The following QDPR variants were observed in gnomAD, a reference collection of about 807,000 sequenced individuals.
QDPR encodes quinoid dihydropteridine reductase, also known as dihydropteridine reductase.
In QDPR, 23 loss-of-function variants were observed where a neutral mutation model predicts 31.7. That is an observed-to-expected ratio of 0.73 (90% CI 0.52 to 1.03). The LOEUF (loss-of-function observed/expected upper bound fraction) is 1.03. Among genes scored for constraint, QDPR ranks in the 50% least tolerant of loss-of-function variants. QDPR has a pLI of 0.00. For synonymous variants in QDPR, 124 were observed against 124.7 expected (o/e 0.99, Z 0.03); for missense variants, 324 against 323.8 (o/e 1.00, Z 0.00).
intron 1 of QDPR, among the ~76,000 whole-genome samples, chr4:17,509,761 G>C (rs549124943): frequency 7.9e-5 from 12 of 152,180 alleles, no homozygotes; most frequent in African/African-American, 2.9e-4. Context: ...GAGCAGAGTG[G>C]AGACAGGTAA....
Position 17,501,809 on chromosome 4 carries a change from T to G in QDPR, c.346A>C (p.Thr116Pro). Residue 116 changes from threonine (T) to proline (P), a missense_variant, in exon 4 of 7, where the codon ACC becomes CCC. Physicochemically the swap from Thr to Pro is conservative, Grantham distance 38. Coordinates refer to ENST00000281243, the MANE Select transcript of QDPR (RefSeq NM_000320.3). ...LMWKQSIWTS[T>P]ISSHLATKHL... ...TTGGTAGCCAGATGGCTGGAGATGG[T>G]CGATGTCCATATGCTCTGCTTCCAC... The G allele has an allele frequency of 6.2e-7, 1 of 1,614,162 alleles. No homozygotes were observed. The highest frequency in any genetic ancestry group is 8.5e-7 in the Non-Finnish European group (1 of 1,180,024).
In QDPR at chr4:17,501,531, C is replaced by T. The variant is rs140253707; in HGVS notation, c.436+188G>A. On this transcript the variant is annotated intron_variant, in intron 4 of 6. Transcript: ENST00000281243. The stretch of plus-strand genomic sequence containing the variant: ...CTTACCACCACCATAAACATAAGGA[C>T]AGGCAAACAAAAGATCAGAACTCTT... Among the ~76,000 whole-genome samples, 10 of 152,034 alleles carry T rather than the reference C, an allele frequency of 6.6e-5. No individual in the cohort carries two copies. The East Asian group carries it at 1.9e-3, about 30-fold the overall frequency.
chr4:17,489,575 G>A (rs949020107), intron 6 of QDPR, among the ~76,000 whole-genome samples: 1 of 152,108 alleles, frequency 6.6e-6, no homozygotes, highest in Non-Finnish European at 1.5e-5. Context: ...GTCAGATCCC[G>A]GCTGTGCTGT....
At chr4:17,509,654 T>G (rs1214101520) in intron 1 of QDPR, among the ~76,000 whole-genome samples, 5 of 152,038 alleles carry the variant, frequency 3.3e-5, no homozygotes, top group African/African-American at 1.2e-4. Context: ...TTGAGCTCAG[T>G]GAGCTATGAT....
chr4:17,494,427 G>C (rs1356384939), intron 4 of QDPR, among the ~76,000 whole-genome samples: 1 of 152,138 alleles, frequency 6.6e-6, no homozygotes, highest in African/African-American at 2.4e-5. Context: ...TTCATCACCA[G>C]AACATGTGAC....
intron 4 of QDPR, among the ~76,000 whole-genome samples, chr4:17,501,214 T>C (rs1177444686): frequency 6.6e-6 from 1 of 152,062 alleles, no homozygotes; most frequent in Non-Finnish European, 1.5e-5. Context: ...AGAGATAGGG[T>C]CTCACTATGT....
At chr4:17,511,814 C>G (rs1465778303) in intron 1 of QDPR, 136 bp downstream of exon 1, 4 of 826,766 alleles carry the variant, frequency 4.8e-6, no homozygotes, top group African/African-American at 1.8e-5. Flanking sequence ...TAGACCTGTG[C>G]GCGCACGTGC....
chr4:17,508,859 T>TA (rs1399154403), intron 2 of QDPR, among the ~76,000 whole-genome samples: 11 of 151,770 alleles, frequency 7.2e-5, no homozygotes, highest in African/African-American at 1.9e-4. Flanking sequence ...ACAACAGCTT[T>TA]AAAAAAAAGG....
intron 1 of QDPR, 93 bp from the exon 2 acceptor site, chr4:17,509,456 G>C: frequency 9.0e-7 from 1 of 1,115,828 alleles, no homozygotes; most frequent in South Asian, 1.3e-5. Context: ...GCCAGGTGTA[G>C]TGGTTCACGT....
chr4:17,495,878 G>A (rs534825126), intron 4 of QDPR, among the ~76,000 whole-genome samples: 6 of 151,938 alleles, frequency 3.9e-5, no homozygotes, highest in Middle Eastern at 3.4e-3. Context: ...GTGTGATGGC[G>A]AGCGCCTGTA....
Position 17,487,219 on chromosome 4 carries a change from A to G in QDPR, c.647T>C (p.Ile216Thr), listed in dbSNP as rs1351957338. 2 of 1,613,898 alleles carry G rather than the reference A, an allele frequency of 1.2e-6. No individual in the cohort carries two copies. Among genetic ancestry groups the G allele is most frequent in the East Asian group, 4.5e-5 (2 of 44,858 alleles). Residue 216 changes from isoleucine (I) to threonine (T), a missense_variant, in exon 7 of 7, where the codon ATC (isoleucine) becomes ACC (threonine). Transcript: ENST00000281243. ...TGAGCTCGGTCGGTTTTTCCCTGTG[A>G]TCCAGTCATGGAAAGTTCTGGAACA... ...EFLVETFHDW[I>T]TGKNRPSSGS...
At chr4:17,493,317 C>A (rs1402215330) in intron 4 of QDPR, among the ~76,000 whole-genome samples, 1 of 152,148 alleles carries the variant, frequency 6.6e-6, no homozygotes, top group African/African-American at 2.4e-5. Context: ...TGCCTGTGGT[C>A]CCGGCTACTC....
chr4:17,505,634 T>A (rs111905225), intron 2 of QDPR, among the ~76,000 whole-genome samples: 90 of 152,340 alleles, frequency 5.9e-4, no homozygotes, highest in African/African-American at 1.9e-3. Flanking sequence ...GAAGGATCAC[T>A]TGAGCCCAGG....
chr4:17,507,644 C>T (rs1163920032), intron 2 of QDPR, among the ~76,000 whole-genome samples: 1 of 151,426 alleles, frequency 6.6e-6, no homozygotes, highest in Non-Finnish European at 1.5e-5. Flanking sequence ...CACTCTGTCA[C>T]CCAGGATGGA....
intron 2 of QDPR, among the ~76,000 whole-genome samples, chr4:17,507,855 G>A (rs569832572): frequency 6.6e-6 from 1 of 152,204 alleles, no homozygotes; most frequent in South Asian, 2.1e-4. Flanking sequence ...GCCCATCTCA[G>A]CCTTCCAAAG....
intron 2 of QDPR, among the ~76,000 whole-genome samples, chr4:17,506,631 G>C (rs1324431093): frequency 6.6e-6 from 1 of 152,186 alleles, no homozygotes; most frequent in East Asian, 1.9e-4. Context: ...GATAAAATTA[G>C]AAGCTTTGTT....
chr4:17,510,398 G>T (rs1718964282), intron 1 of QDPR, among the ~76,000 whole-genome samples: 1 of 152,190 alleles, frequency 6.6e-6, no homozygotes, highest in Non-Finnish European at 1.5e-5. Context: ...TGGCACAGGG[G>T]ATGTTCAGTC....
intron 4 of QDPR, among the ~76,000 whole-genome samples, chr4:17,500,377 T>C (rs57907670): frequency 6.6e-6 from 1 of 152,190 alleles, no homozygotes; most frequent in Non-Finnish European, 1.5e-5. Flanking sequence ...ACAGGGAGTG[T>C]TATGGGCTGA....
intron 2 of QDPR, 65 bp from the exon 3 acceptor site, chr4:17,504,540 C>T (rs1014356390): frequency 2.7e-5 from 35 of 1,297,468 alleles, no homozygotes; most frequent in African/African-American, 7.3e-5. Flanking sequence ...AGCATCTTTA[C>T]GGATACTCAG....
Sources: allele counts gnomAD v4.1 joint callset (sites outside exome capture counted in the v4.1 genomes callset), GRCh38; gene constraint gnomAD v4.1.1; transcripts MANE v1.5; gene names NCBI Gene and HGNC (gene_info 2026-07-23, HGNC 2026-07-21).